Variants in CRAMP1 observed in about 807,000 individuals in gnomAD.
The protein encoded by CRAMP1 is cramped chromatin regulator 1, also known as protein cramped-like.
Under a neutral mutation model 115.4 loss-of-function variants are expected in CRAMP1, and 50 were observed. That is an observed-to-expected ratio of 0.43 (90% CI 0.35 to 0.55). The LOEUF (loss-of-function observed/expected upper bound fraction) is 0.55. CRAMP1 is among the 20% of genes least tolerant of loss of function. CRAMP1 has a pLI of 0.01. For missense variants in CRAMP1, 1,679 were observed against 1,721.7 expected (o/e 0.98, Z 0.44); for synonymous variants, 866 against 745.4 (o/e 1.16, Z -2.64).
At chr16:1,639,469 CAG>C (rs2036614608) in intron 5 of CRAMP1, among the ~76,000 whole-genome samples, 1 of 151,616 alleles carries the variant, frequency 6.6e-6, no homozygotes, top group African/African-American at 2.4e-5. Flanking sequence ...GGCCAGCAAT[CAG>C]AGACTGAAGT....
chr16:1,632,185 A>G, intron 3 of CRAMP1, 27 bp from the exon 4 acceptor site: 6 of 1,549,724 alleles, frequency 3.9e-6, no homozygotes, highest in Admixed American at 2.0e-5. Flanking sequence ...TAACCCCTCT[A>G]CATTTATCAT....
intron 2 of CRAMP1, among the ~76,000 whole-genome samples, chr16:1,619,736 G>A (rs1458176497): frequency 1.3e-5 from 2 of 152,186 alleles, no homozygotes; most frequent in Non-Finnish European, 2.9e-5. Context: ...GCAGGAGGAC[G>A]CTGAGCCTTG....
intron 6 of CRAMP1, among the ~76,000 whole-genome samples, chr16:1,651,578 G>A (rs1313657251): frequency 3.4e-5 from 5 of 146,586 alleles, no homozygotes; most frequent in African/African-American, 5.1e-5. Context: ...CACAGTTCAC[G>A]GAGAGGTGGG....
intron 4 of CRAMP1, 60 bp downstream of exon 4, chr16:1,632,425 A>G (rs186692246): frequency 6.7e-7 from 1 of 1,493,780 alleles, no homozygotes; most frequent in East Asian, 2.5e-5. Flanking sequence ...TTCTGCTCAG[A>G]GCGCAGCTTC....
At chr16:1,660,193 C>T (rs2036816715) in intron 11 of CRAMP1, 130 bp downstream of exon 11, 3 of 726,772 alleles carry the variant, frequency 4.1e-6, no homozygotes, top group Non-Finnish European at 4.3e-6. Flanking sequence ...TCGCCACTAT[C>T]CAGATGACAG....
chr16:1,624,784 A>G (rs540095541), intron 2 of CRAMP1, among the ~76,000 whole-genome samples: 8 of 152,156 alleles, frequency 5.3e-5, no homozygotes, highest in East Asian at 1.9e-4. Flanking sequence ...GGGTTTCACA[A>G]TGTTGGCCAG....
chr16:1,662,446 C>CCAGG, intron 11 of CRAMP1, 44 bp from the exon 12 acceptor site: 1 of 1,498,090 alleles, frequency 6.7e-7, no homozygotes, highest in Non-Finnish European at 9.3e-7. Flanking sequence ...GGACCTGTTG[C>CCAGG]TAGGTGAATG....
In CRAMP1 at chr16:1,614,576, G is replaced by T. The variant is rs901281519; in HGVS notation, c.-1-63G>T. 2.3e-5 allele frequency: 24 copies of T among 1,038,196 alleles called. No homozygotes were observed. Among genetic ancestry groups the T allele is most frequent in the Non-Finnish European group, 2.7e-5 (22 of 816,662 alleles). The allele number at this position is 1,038,196 out of a possible 1,614,324, so 64.3% of individuals were successfully genotyped here. A position where few individuals can be genotyped will look rare whatever the true frequency, so the allele number is the denominator to read the frequency against. On this transcript the variant is annotated intron_variant, in intron 1 of 20. Coordinates refer to ENST00000397412, the MANE Select transcript of CRAMP1 (RefSeq NM_020825.4). This position sits in a 1 kb window ranked among gnomAD's most constrained non-coding sequence, Gnocchi z 4.4. The stretch of plus-strand genomic sequence containing the variant: ...ACGGCGGCCATGTTGAGAGCGCGTC[G>T]GGGCCGCTAAACTTCCCGGCCTGCG...
Position 1,674,138 on chromosome 16 carries a change from T to A in CRAMP1, c.*93T>A. 1 of 1,289,748 alleles carries A rather than the reference T, an allele frequency of 7.8e-7. No homozygotes were observed. Among genetic ancestry groups the A allele is most frequent in the Non-Finnish European group, 1.1e-6 (1 of 935,444 alleles). The allele number at this position is 1,289,748 out of a possible 1,614,324, so 79.9% of individuals were successfully genotyped here. On this transcript the variant is annotated 3_prime_UTR_variant, in exon 21 of 21. Coordinates refer to ENST00000397412, the MANE Select transcript of CRAMP1 (RefSeq NM_020825.4). Reference sequence around the variant, plus strand: ...AGAAGATGGTCTGAACAGAGGCATCTCCGCACCCAAGACTGTGCAACGGGC... The same window carrying A: ...AGAAGATGGTCTGAACAGAGGCATCACCGCACCCAAGACTGTGCAACGGGC...
rs548006418 is a variant in CRAMP1 at position 1,676,567 on chromosome 16, A to G, written c.*2522A>G. 2 of 152,396 alleles carry G rather than the reference A, an allele frequency of 1.3e-5. No individual in the cohort carries two copies. Among genetic ancestry groups the G allele is most frequent in the African/African-American group, 2.4e-5 (1 of 41,590 alleles). 9.4% of individuals were successfully genotyped at this position (152,396 alleles called of 1,614,324 possible). On this transcript the variant is annotated 3_prime_UTR_variant, in exon 21 of 21. Coordinates refer to ENST00000397412, the MANE Select transcript of CRAMP1 (RefSeq NM_020825.4). ...TTTCCAACAGAAGCGGTGATCGTCTAAGTATGAGCCTGTGGCTTCCTTTGT... is the reference window on the plus strand; with the variant it reads ...TTTCCAACAGAAGCGGTGATCGTCTGAGTATGAGCCTGTGGCTTCCTTTGT...
intron 3 of CRAMP1, among the ~76,000 whole-genome samples, chr16:1,629,720 C>G (rs981110496): frequency 2.6e-5 from 4 of 152,198 alleles, no homozygotes; most frequent in Admixed American, 2.6e-4. Flanking sequence ...CTGCCTGGAC[C>G]TTGCAGGAAG....
At chr16:1,662,356 G>A (rs551110237) in intron 11 of CRAMP1, 134 bp from the exon 12 acceptor site, 1 of 681,512 alleles carries the variant, frequency 1.5e-6, no homozygotes, top group African/African-American at 1.8e-5. Context: ...TGAGATAGAG[G>A]TGTCTCCTTT....
At chr16:1,648,027 C>T (rs1306764092) in intron 6 of CRAMP1, among the ~76,000 whole-genome samples, 2 of 151,676 alleles carry the variant, frequency 1.3e-5, no homozygotes, top group African/African-American at 4.8e-5. Flanking sequence ...TCAAGTCGGT[C>T]GCAGAACTTC....
chr16:1,674,316 A>G lies in CRAMP1; in HGVS notation c.*271A>G, dbSNP rs1211791516. 1.1e-5 allele frequency: 5 copies of G among 473,652 alleles called. No homozygotes were observed. In the East Asian group the frequency reaches 1.9e-4, roughly 18 times the overall value. 29.3% of individuals were successfully genotyped at this position (473,652 alleles called of 1,614,324 possible). On this transcript the variant is annotated 3_prime_UTR_variant, in exon 21 of 21. Coordinates refer to ENST00000397412, the MANE Select transcript of CRAMP1 (RefSeq NM_020825.4). ...CTGGGCCCATGTTAGGGTCTGCATA[A>G]TGATCCCATTTCAGCCTGTGCTCTG...
chr16:1,640,678 TG>T (rs1404738100), intron 5 of CRAMP1, among the ~76,000 whole-genome samples: 1 of 152,192 alleles, frequency 6.6e-6, no homozygotes, highest in East Asian at 1.9e-4. Context: ...CTGTGGACCC[TG>T]GGTGCCTTGG....
intron 8 of CRAMP1, 52 bp downstream of exon 8, chr16:1,653,208 G>T: frequency 6.3e-7 from 1 of 1,576,016 alleles, no homozygotes. Context: ...AGCAGGACTG[G>T]AAGCAACGTG....
chr16:1,616,002 C>A (rs2036415698), intron 2 of CRAMP1, among the ~76,000 whole-genome samples: 6 of 152,148 alleles, frequency 3.9e-5, no homozygotes, highest in African/African-American at 1.4e-4. Flanking sequence ...TTCCATTAAG[C>A]CCACTTCTCC....
chr16:1,657,871 G>A (rs971369657), intron 10 of CRAMP1, among the ~76,000 whole-genome samples: 1 of 152,200 alleles, frequency 6.6e-6, no homozygotes, highest in African/African-American at 2.4e-5. Context: ...TGGGCGAGGG[G>A]CTCAAAGGAT....
intron 5 of CRAMP1, 53 bp from the exon 6 acceptor site, chr16:1,641,086 G>C: frequency 8.0e-7 from 1 of 1,249,942 alleles, no homozygotes; most frequent in Non-Finnish European, 1.2e-6. Context: ...ATCTTCAGTG[G>C]CTTTGCTCCT....
Sources: gnomAD v4.1 joint callset for allele counts (sites outside exome capture counted in the v4.1 genomes callset) on GRCh38, gnomAD v4.1.1 for gene constraint, Gnocchi (gnomAD v3.1) non-coding constraint, MANE v1.5 for transcripts, NCBI Gene and HGNC (gene_info 2026-07-23, HGNC 2026-07-21) for gene names.